The following ZMAT4 variants were observed in gnomAD, a reference collection of about 807,000 sequenced individuals.
ZMAT4 encodes the protein zinc finger matrin-type 4, also known as zinc finger matrin-type protein 4.
ZMAT4 carries 17 observed loss-of-function variants against 28.7 expected under a neutral mutation model. That is an observed-to-expected ratio of 0.59 (90% CI 0.41 to 0.89). The LOEUF (loss-of-function observed/expected upper bound fraction) is 0.89. ZMAT4 is among the 40% of genes least tolerant of loss of function. The probability of loss-of-function intolerance (pLI) is 0.00; values close to 1 mark genes in which losing one functional copy is unlikely to be tolerated. For synonymous variants in ZMAT4, 117 were observed against 109.2 expected, an observed-to-expected ratio of 1.07 and a Z score of -0.44; for missense variants, 240 against 283.8, an observed-to-expected ratio of 0.85 and a Z score of 1.11.
At chr8:40,816,695 T>C (rs1815554977) in intron 2 of ZMAT4, among the ~76,000 whole-genome samples, 1 of 152,130 alleles carries the variant, frequency 6.6e-6, no homozygotes, top group South Asian at 2.1e-4. Context: ...ATGGATAGAG[T>C]TCTAGAAGAA....
chr8:40,690,354 C>A (rs1809607935), intron 4 of ZMAT4, among the ~76,000 whole-genome samples: 1 of 152,170 alleles, frequency 6.6e-6, no homozygotes, highest in Admixed American at 6.5e-5. Context: ...ATCACTAAGC[C>A]CCTTCCAGCT....
At chr8:40,651,207 C>T (rs1807630567) in intron 5 of ZMAT4, among the ~76,000 whole-genome samples, 4 of 152,202 alleles carry the variant, frequency 2.6e-5, no homozygotes, top group South Asian at 4.1e-4. Context: ...TCTCCTTAAG[C>T]TGATAAGCAA....
chr8:40,610,956 G>C (rs1166359906), intron 5 of ZMAT4, among the ~76,000 whole-genome samples: 1 of 119,282 alleles, frequency 8.4e-6, no homozygotes, highest in Non-Finnish European at 1.9e-5. Context: ...TTTTTGGTTT[G>C]TCTTAGCTCA....
chr8:40,580,944 A>G (rs2118543498), intron 6 of ZMAT4, among the ~76,000 whole-genome samples: 1 of 152,284 alleles, frequency 6.6e-6, no homozygotes, highest in South Asian at 2.1e-4. Flanking sequence ...AGTATGCTAA[A>G]CTGTCCTTGA....
At chr8:40,680,072 T>C (rs190080597) in intron 4 of ZMAT4, among the ~76,000 whole-genome samples, 2 of 152,290 alleles carry the variant, frequency 1.3e-5, no homozygotes, top group East Asian at 1.9e-4. Flanking sequence ...TGTCAAAGTG[T>C]ACATACATAT....
chr8:40,550,875 C>G (rs1364877953), intron 6 of ZMAT4, among the ~76,000 whole-genome samples: 2 of 152,110 alleles, frequency 1.3e-5, no homozygotes, highest in Non-Finnish European at 2.9e-5. Context: ...ACTTTTTAGT[C>G]GACAGGTTTC....
intron 2 of ZMAT4, among the ~76,000 whole-genome samples, chr8:40,781,761 CAAAAAAAA>C (rs59432510): frequency 0.044 from 1,686 of 38,576 alleles, 77 homozygotes; most frequent in African/African-American, 0.12. Context: ...GACTCCGTCT[CAAAAAAAA>C]AAAAAAAAAA....
rs11446729 is a variant in ZMAT4, at chr8:40,708,646, AT to A, written c.193-11246del. ...CTGTTAAGTTAGGAAAGCAATCTTGATTTTTTTTTTTTTTTTTGAGAGTGAG... is the reference window on the plus strand; with the variant it reads ...CTGTTAAGTTAGGAAAGCAATCTTGATTTTTTTTTTTTTTTTGAGAGTGAG... On this transcript the variant is annotated intron_variant, in intron 3 of 6. Coordinates refer to ENST00000297737, the MANE Select transcript of ZMAT4 (RefSeq NM_024645.3). 3.2e-3 allele frequency among the ~76,000 whole-genome samples: 310 copies of A among 98,344 alleles called. 1 individual carries two copies. Among genetic ancestry groups the A allele is most frequent in the East Asian group, 0.015 (52 of 3,494 alleles). The allele number at this position is 98,344 out of a possible 152,430, so 64.5% of individuals were successfully genotyped here.
intron 1 of ZMAT4, among the ~76,000 whole-genome samples, chr8:40,887,490 GAA>G (rs35329610): frequency 5.5e-4 from 69 of 124,358 alleles, no homozygotes; most frequent in African/African-American, 1.7e-3. Context: ...CTTCATCTCA[GAA>G]AAAAAAAAAA....
intron 3 of ZMAT4, among the ~76,000 whole-genome samples, chr8:40,699,667 C>T (rs1226766734): frequency 6.6e-6 from 1 of 151,896 alleles, no homozygotes; most frequent in Non-Finnish European, 1.5e-5. Flanking sequence ...TCAAGTCTTA[C>T]CCTTTTTTAA....
At chr8:40,751,395 G>C (rs77368500) in intron 3 of ZMAT4, among the ~76,000 whole-genome samples, 58 of 151,994 alleles carry the variant, frequency 3.8e-4, no homozygotes, top group African/African-American at 1.4e-3. Flanking sequence ...AGAGATGTGG[G>C]GAGTAGGTGC....
At chr8:40,872,613 G>A (rs553053428) in intron 1 of ZMAT4, among the ~76,000 whole-genome samples, 21 of 152,284 alleles carry the variant, frequency 1.4e-4, no homozygotes, top group African/African-American at 5.1e-4. Flanking sequence ...GTGGATCAAA[G>A]GTGCTGGTGA....
chr8:40,797,096 G>A (rs1381493338), intron 2 of ZMAT4, among the ~76,000 whole-genome samples: 1 of 152,120 alleles, frequency 6.6e-6, no homozygotes, highest in African/African-American at 2.4e-5. Context: ...CTGAGCTTTT[G>A]TGCCATCCAC....
intron 5 of ZMAT4, among the ~76,000 whole-genome samples, chr8:40,613,151 C>G (rs1244971948): frequency 2.9e-5 from 4 of 137,354 alleles, no homozygotes; most frequent in African/African-American, 8.4e-5. Context: ...TTTCACCTAC[C>G]CTTTCTTTCT....
chr8:40,694,188 C>CT (rs1422183275), intron 4 of ZMAT4, among the ~76,000 whole-genome samples: 3 of 152,150 alleles, frequency 2.0e-5, no homozygotes, highest in Non-Finnish European at 4.4e-5. Flanking sequence ...GGAGAAGCTG[C>CT]TGCTGGGTGT....
intron 2 of ZMAT4, among the ~76,000 whole-genome samples, chr8:40,784,119 G>A (rs1450996791): frequency 6.6e-6 from 1 of 152,010 alleles, no homozygotes; most frequent in Non-Finnish European, 1.5e-5. Context: ...AGGTTCAAAT[G>A]CCCAGATCAT....
intron 1 of ZMAT4, among the ~76,000 whole-genome samples, chr8:40,862,582 A>AT (rs1817536736): frequency 4.1e-5 from 4 of 97,344 alleles, no homozygotes; most frequent in Middle Eastern, 6.9e-3. Context: ...AAAAAAAAAA[A>AT]TTAAAAAAAA....
At chr8:40,720,158 T>C (rs1163019433) in intron 3 of ZMAT4, among the ~76,000 whole-genome samples, 1 of 152,224 alleles carries the variant, frequency 6.6e-6, no homozygotes, top group Non-Finnish European at 1.5e-5. Flanking sequence ...TCTCAGAAAT[T>C]TGTTTGAAAA....
chr8:40,547,044 T>G (rs1054923294), intron 6 of ZMAT4, among the ~76,000 whole-genome samples: 8 of 152,202 alleles, frequency 5.3e-5, no homozygotes, highest in African/African-American at 9.6e-5. Flanking sequence ...GTGCATCATT[T>G]GCAATATTTT....
Sources: allele counts gnomAD v4.1 joint callset (sites outside exome capture counted in the v4.1 genomes callset), GRCh38; gene constraint gnomAD v4.1.1; transcripts MANE v1.5; gene names NCBI Gene and HGNC (gene_info 2026-07-23, HGNC 2026-07-21).